The following CCL14 variants were observed in gnomAD, a reference collection of about 807,000 sequenced individuals.
CCL14 encodes C-C motif chemokine ligand 14.
In CCL14, 8 loss-of-function variants were observed where a neutral mutation model predicts 8.2. The observed-to-expected ratio is 0.98, with a 90% CI of 0.57 to 1.76. The LOEUF is 1.76. CCL14 is among the 40% of genes most tolerant of loss of function. The probability of loss-of-function intolerance (pLI) is 0.00; values close to 1 mark genes in which losing one functional copy is unlikely to be tolerated. For missense variants in CCL14, 127 were observed against 118.3 expected, an observed-to-expected ratio of 1.07 and a Z score of -0.34; for synonymous variants, 50 against 43.2, an observed-to-expected ratio of 1.16 and a Z score of -0.62.
intron 1 of CCL14, chr17:35,986,346 C>T (rs2089768825): frequency 3.8e-6 from 2 of 532,570 alleles, no homozygotes; most frequent in Non-Finnish European, 6.6e-6. Context: ...GCAGAACCTA[C>T]AGTCCTAAGT....
Position 35,983,867 on chromosome 17 carries a change from A to G in CCL14, c.216T>C (p.His72=). The change falls in exon 3 of 3, where the codon CAT becomes CAC. Residue 72 remains histidine, a synonymous_variant. Coordinates refer to ENST00000618404, the MANE Select transcript of CCL14 (RefSeq NM_032963.4). ...TGTCACTGGGGTTGGTACAGACGGA[A>G]TGGCCCCTTTTGGTGATGAAGCTGT... is the stretch of plus-strand genomic sequence containing the variant. ...PGIVFITKRG[H]SVCTNPSDKW... 6.2e-7 allele frequency: 1 copy of G among 1,613,984 alleles called. No individual in the cohort carries two copies. Among genetic ancestry groups the G allele is most frequent in the Non-Finnish European group, 8.5e-7 (1 of 1,179,862 alleles).
Position 35,983,540 on chromosome 17 carries a change from T to C in CCL14, c.*261A>G. On this transcript the variant is annotated 3_prime_UTR_variant, in exon 3 of 3. Transcript: ENST00000618404. ...TGCATTGCAGGCCTGACCTATTTTT[T>C]GTACCAGGCTCCAGCAAAACTTCTG... The C allele has an allele frequency of 2.2e-6, 1 of 452,850 alleles. No individual in the cohort carries two copies. Among genetic ancestry groups the C allele is most frequent in the Non-Finnish European group, 3.9e-6 (1 of 254,282 alleles). 28.1% of individuals were successfully genotyped at this position (452,850 alleles called of 1,614,324 possible). A position where few individuals can be genotyped will look rare whatever the true frequency, so the allele number is the denominator to read the frequency against.
chr17:35,985,601 C>G (rs759701355), intron 1 of CCL14: 1 of 675,470 alleles, frequency 1.5e-6, no homozygotes, highest in African/African-American at 1.8e-5. Context: ...TTTTCCAGCT[C>G]CATTCCAGGC....
Position 35,986,711 on chromosome 17 carries a change from T to A in CCL14, c.-62A>T. 1 of 1,218,068 alleles carries A rather than the reference T, an allele frequency of 8.2e-7. No homozygotes were observed. Among genetic ancestry groups the A allele is most frequent in the East Asian group, 2.3e-5 (1 of 43,012 alleles). The allele number at this position is 1,218,068 out of a possible 1,614,324, so 75.5% of individuals were successfully genotyped here. A position where few individuals can be genotyped will look rare whatever the true frequency, so the allele number is the denominator to read the frequency against. On this transcript the variant is annotated 5_prime_UTR_variant, in exon 1 of 3. Coordinates refer to ENST00000618404, the MANE Select transcript of CCL14 (RefSeq NM_032963.4). ...GTGGGAGCTTCAGAGGCTCCTGCGG[T>A]GAGGAATTGTTGAGAAATGATCATT...
chr17:35,985,511 T>C (rs968118095), intron 1 of CCL14: 8 of 559,832 alleles, frequency 1.4e-5, no homozygotes, highest in Admixed American at 9.9e-5. Context: ...CCCTGCTTCA[T>C]AGAATCATGG....
chr17:35,983,804 G>T lies in CCL14; in HGVS notation c.279C>A (p.Asn93Lys), dbSNP rs762566140. ...VQDYIKDMKEN is the reference protein window; with the variant it reads ...VQDYIKDMKEK ...TTCGCCACCCCTTCTGGGTCACTCA[G>T]TTCTCCTTCATGTCCTTGATATAGT... The change falls in exon 3 of 3, where the codon AAC (asparagine) becomes AAA (lysine). Residue 93 changes from asparagine (N) to lysine (K), a missense_variant. Physicochemically the swap from Asn to Lys is moderately conservative, Grantham distance 94. Transcript: ENST00000618404. 2.1e-5 allele frequency: 34 copies of T among 1,611,420 alleles called. No homozygotes were observed. Among genetic ancestry groups the T allele is most frequent in the Middle Eastern group, 3.3e-4 (2 of 6,060 alleles).
intron 1 of CCL14, chr17:35,985,967 C>T (rs976538776): frequency 7.9e-5 from 47 of 594,474 alleles, no homozygotes; most frequent in African/African-American, 5.7e-4. Flanking sequence ...GCACAGGTGA[C>T]GCTGGAAGCA....
Position 35,986,587 on chromosome 17 carries a change from C to A in CCL14, c.63G>T (p.Lys21Asn). 6.2e-7 allele frequency: 1 copy of A among 1,613,820 alleles called. No individual in the cohort carries two copies. Among genetic ancestry groups the A allele is most frequent in the South Asian group, 1.1e-5 (1 of 91,064 alleles). Residue 21 changes from lysine to asparagine, a missense_variant, in exon 1 of 3, where the codon AAG becomes AAT. Physicochemically the swap from Lys to Asn is moderately conservative, Grantham distance 94. Coordinates refer to ENST00000618404, the MANE Select transcript of CCL14 (RefSeq NM_032963.4). ...TGCACTCACGTGAGGAGGATTCAGT[C>A]TTGGTCCCTAGGGCGATGGTGATGA... is the stretch of plus-strand genomic sequence containing the variant. Reference protein sequence around the residue: ...FLLITIALGTKTESSSRGPYH... With the variant: ...FLLITIALGTNTESSSRGPYH...
Position 35,983,983 on chromosome 17 carries a change from C to T in CCL14, c.195-95G>A, listed in dbSNP as rs2089714487. The T allele has an allele frequency of 5.6e-6, 5 of 900,576 alleles. No homozygotes were observed. In the Admixed American group the frequency reaches 8.8e-5, roughly 16 times the overall value. The allele number at this position is 900,576 out of a possible 1,614,324, so 55.8% of individuals were successfully genotyped here. On this transcript the variant is annotated intron_variant, in intron 2 of 2. Coordinates refer to ENST00000618404, the MANE Select transcript of CCL14 (RefSeq NM_032963.4). ...CTCCCTCCTAAATTCCCCACCTGAC[C>T]TATACTGCTTTTCCTTTCTTCCACA...
intron 1 of CCL14, chr17:35,985,889 G>A (rs1457613475): frequency 1.0e-6 from 1 of 1,001,096 alleles, no homozygotes; most frequent in South Asian, 1.4e-5. Flanking sequence ...AGAAAAGGGG[G>A]CCTAGGATGG....
Position 35,983,339 on chromosome 17 carries a change from A to G in CCL14, c.*462T>C, listed in dbSNP as rs142973175. ...GAAGTGTTACCTAAAAAATCAAATG[A>G]TGATTTGTAGCTTTTACACTTGTCA... On this transcript the variant is annotated 3_prime_UTR_variant, in exon 3 of 3. Coordinates refer to ENST00000618404, the MANE Select transcript of CCL14 (RefSeq NM_032963.4). 8.8e-3 allele frequency: 1,378 copies of G among 157,142 alleles called. 20 individuals carry two copies. The highest frequency in any genetic ancestry group is 0.031 in the African/African-American group (1,290 of 41,672). The allele number at this position is 157,142 out of a possible 1,614,324, so 9.7% of individuals were successfully genotyped here. A position where few individuals can be genotyped will look rare whatever the true frequency, so the allele number is the denominator to read the frequency against.
Position 35,983,788 on chromosome 17 carries a change from C to T in CCL14, c.*13G>A. 1 of 1,595,320 alleles carries T rather than the reference C, an allele frequency of 6.3e-7. No homozygotes were observed. Among genetic ancestry groups the T allele is most frequent in the Non-Finnish European group, 8.6e-7 (1 of 1,162,918 alleles). ...GTCTCTGAGCTGTGCCTTCGCCACC[C>T]CTTCTGGGTCACTCAGTTCTCCTTC... On this transcript the variant is annotated 3_prime_UTR_variant, in exon 3 of 3. Transcript: ENST00000618404.
In CCL14 at chr17:35,984,361, G is replaced by A; in HGVS notation, c.171C>T (p.Ser57=). The A allele has an allele frequency of 6.2e-7, 1 of 1,613,396 alleles. No individual in the cohort carries two copies. The highest frequency in any genetic ancestry group is 8.5e-7 in the Non-Finnish European group (1 of 1,179,496). The part of the protein sequence containing the change: ...QRIMDYYETN[S]QCSKPGIVFI... ...ACACAATTCCGGGCTTGGAGCACTG[G>A]CTGTTGGTCTCATAGTAATCCATAA... The change falls in exon 2 of 3, where the codon AGC becomes AGT. Residue 57 remains serine, a synonymous_variant. Coordinates refer to ENST00000618404, the MANE Select transcript of CCL14 (RefSeq NM_032963.4).
intron 1 of CCL14, chr17:35,985,370 AG>A (rs1183768293): frequency 4.2e-6 from 1 of 239,470 alleles, no homozygotes; most frequent in African/African-American, 2.2e-5. Flanking sequence ...AGGAGAAGCA[AG>A]GTGACAGCAG....
Position 35,983,592 on chromosome 17 carries a change from C to G in CCL14, c.*209G>C. 2.0e-6 allele frequency: 1 copy of G among 497,880 alleles called. No homozygotes were observed. The highest frequency in any genetic ancestry group is 4.0e-5 in the South Asian group (1 of 24,762). 30.8% of individuals were successfully genotyped at this position (497,880 alleles called of 1,614,324 possible). A position where few individuals can be genotyped will look rare whatever the true frequency, so the allele number is the denominator to read the frequency against. On this transcript the variant is annotated 3_prime_UTR_variant, in exon 3 of 3. Coordinates refer to ENST00000618404, the MANE Select transcript of CCL14 (RefSeq NM_032963.4). Reference sequence around the variant, plus strand: ...AGAGCGAGGCTTGATGCCGAGGGTGCCACACCCTGGTGTCCTCAGTGCATG... The same window carrying G: ...AGAGCGAGGCTTGATGCCGAGGGTGGCACACCCTGGTGTCCTCAGTGCATG...
rs2089703886 is a variant in CCL14 at position 35,983,334 on chromosome 17, A to C, written c.*467T>G. On this transcript the variant is annotated 3_prime_UTR_variant, in exon 3 of 3. Coordinates refer to ENST00000618404, the MANE Select transcript of CCL14 (RefSeq NM_032963.4). The stretch of plus-strand genomic sequence containing the variant: ...TTTATGAAGTGTTACCTAAAAAATC[A>C]AATGATGATTTGTAGCTTTTACACT... The C allele has an allele frequency of 6.4e-6, 1 of 156,866 alleles. No homozygotes were observed. Among genetic ancestry groups the C allele is most frequent in the African/African-American group, 2.4e-5 (1 of 41,568 alleles). The allele number at this position is 156,866 out of a possible 1,614,324, so 9.7% of individuals were successfully genotyped here.
Position 35,983,795 on chromosome 17 carries a change from G to T in CCL14, c.*6C>A. On this transcript the variant is annotated 3_prime_UTR_variant, in exon 3 of 3. Coordinates refer to ENST00000618404, the MANE Select transcript of CCL14 (RefSeq NM_032963.4). The stretch of plus-strand genomic sequence containing the variant: ...AGCTGTGCCTTCGCCACCCCTTCTG[G>T]GTCACTCAGTTCTCCTTCATGTCCT... 1 of 1,606,290 alleles carries T rather than the reference G, an allele frequency of 6.2e-7. No individual in the cohort carries two copies. Among genetic ancestry groups the T allele is most frequent in the Non-Finnish European group, 8.5e-7 (1 of 1,172,884 alleles).
At chr17:35,984,120 C>T (rs1398883496) in intron 2 of CCL14, among the ~76,000 whole-genome samples, 2 of 151,812 alleles carry the variant, frequency 1.3e-5, no homozygotes, top group Non-Finnish European at 2.9e-5. Context: ...GCCTTCTTCT[C>T]CCTTCTCTGT....
chr17:35,984,330 C>T lies in CCL14; in HGVS notation c.194+8G>A, dbSNP rs1291864916. 4 of 1,557,104 alleles carry T rather than the reference C, an allele frequency of 2.6e-6. No individual in the cohort carries two copies. Among genetic ancestry groups the T allele is most frequent in the South Asian group, 1.1e-5 (1 of 89,922 alleles). On this transcript the variant is annotated splice_region_variant and intron_variant, in intron 2 of 2. Coordinates refer to ENST00000618404, the MANE Select transcript of CCL14 (RefSeq NM_032963.4). ...CTCCCCCCAGTGTGATGTGTGTGTA[C>T]CACCTACACAATTCCGGGCTTGGAG...
Sources: allele counts gnomAD v4.1 joint callset (sites outside exome capture counted in the v4.1 genomes callset), GRCh38; gene constraint gnomAD v4.1.1; transcripts MANE v1.5; gene names NCBI Gene and HGNC (gene_info 2026-07-23, HGNC 2026-07-21).